Variants in IMPACT observed in about 807,000 individuals in gnomAD.
IMPACT encodes the protein protein IMPACT.
A neutral mutation model predicts 47.5 loss-of-function variants in IMPACT; 35 were observed. The observed-to-expected ratio is 0.74, with a 90% confidence interval of 0.56 to 0.98. The LOEUF (loss-of-function observed/expected upper bound fraction) is 0.98, where lower values mean the gene tolerates loss of function less well. Ranked by LOEUF, IMPACT falls within the 50% of genes least tolerant of loss-of-function variation. The pLI is 0.00. For synonymous variants in IMPACT, 118 were observed against 125.6 expected (o/e 0.94, Z 0.40); for missense variants, 373 against 394.8 (o/e 0.94, Z 0.47).
chr18:24,434,063 G>A (rs1168568181), intron 4 of IMPACT, among the ~76,000 whole-genome samples: 1 of 151,898 alleles, frequency 6.6e-6, no homozygotes, highest in Non-Finnish European at 1.5e-5. Context: ...ACATGGGCCA[G>A]GTGTGGTAGC....
chr18:24,426,818 C>T, intron 1 of IMPACT, 26 bp downstream of exon 1: 1 of 1,235,692 alleles, frequency 8.1e-7, no homozygotes, highest in East Asian at 3.2e-5. Flanking sequence ...GGTGCTGTCT[C>T]TCCAGGCTCG....
intron 6 of IMPACT, among the ~76,000 whole-genome samples, chr18:24,442,662 T>C (rs1909145264): frequency 6.6e-6 from 1 of 152,194 alleles, no homozygotes; most frequent in Non-Finnish European, 1.5e-5. Flanking sequence ...ACAGTGAAAC[T>C]GATAAATAAA....
At chr18:24,444,943 G>T (rs1266905154) in intron 7 of IMPACT, among the ~76,000 whole-genome samples, 1 of 152,150 alleles carries the variant, frequency 6.6e-6, no homozygotes, top group Non-Finnish European at 1.5e-5. Flanking sequence ...CCACTTATAA[G>T]ACCTGGCTCA....
At chr18:24,432,275 C>G (rs1257938586) in intron 4 of IMPACT, among the ~76,000 whole-genome samples, 2 of 152,048 alleles carry the variant, frequency 1.3e-5, no homozygotes, top group African/African-American at 4.8e-5. Context: ...GAGGAAATAT[C>G]TATGATTTAG....
chr18:24,434,241 T>C (rs1908844542), intron 4 of IMPACT, among the ~76,000 whole-genome samples: 1 of 151,962 alleles, frequency 6.6e-6, no homozygotes, highest in South Asian at 2.1e-4. Context: ...TCCCAGCTAC[T>C]TGGAAGACTG....
intron 10 of IMPACT, 28 bp from the exon 11 acceptor site, chr18:24,450,751 A>T (rs1299984988): frequency 6.7e-7 from 1 of 1,483,724 alleles, no homozygotes; most frequent in Non-Finnish European, 9.4e-7. Context: ...AAATGGAGAG[A>T]TGCTGCACTG....
intron 4 of IMPACT, among the ~76,000 whole-genome samples, chr18:24,437,642 C>CT (rs1908983762): frequency 6.6e-6 from 1 of 152,164 alleles, no homozygotes; most frequent in African/African-American, 2.4e-5. Flanking sequence ...CTTACAGAAA[C>CT]TAAGTCACAT....
intron 4 of IMPACT, among the ~76,000 whole-genome samples, chr18:24,432,791 C>G (rs1568085714): frequency 6.6e-6 from 1 of 152,042 alleles, no homozygotes; most frequent in Admixed American, 6.6e-5. Context: ...TTTTTCAGCT[C>G]TTACCTAACT....
In IMPACT at chr18:24,452,840, C is replaced by T. The variant is rs536805903; in HGVS notation, c.*1993C>T. 2 of 152,278 alleles carry T rather than the reference C, an allele frequency of 1.3e-5. No homozygotes were observed. Among genetic ancestry groups the T allele is most frequent in the Admixed American group, 1.3e-4 (2 of 15,286 alleles). 9.4% of individuals were successfully genotyped at this position (152,278 alleles called of 1,614,324 possible). On this transcript the variant is annotated 3_prime_UTR_variant, in exon 11 of 11. Transcript: ENST00000284202. The stretch of plus-strand genomic sequence containing the variant: ...ATGAGTTCTTGCTCTGTCACCTAGG[C>T]TGGAGTGCAGTGGCATGATCATGGC...
At chr18:24,438,100 G>GATAC (rs1908995580) in intron 5 of IMPACT, 60 bp downstream of exon 5, 2 of 749,298 alleles carry the variant, frequency 2.7e-6, no homozygotes, top group African/African-American at 3.6e-5. Flanking sequence ...TTTTTATGTA[G>GATAC]ATACTCTAGT....
Position 24,428,015 on chromosome 18 carries a change from A to G in IMPACT, c.133A>G (p.Ile45Val). The change falls in exon 2 of 11, where the codon ATA becomes GTA. Residue 45 changes from isoleucine (I) to valine (V), a missense_variant. By Grantham distance (29) the Ile-to-Val change is conservative (BLOSUM62 3). Coordinates refer to ENST00000284202, the MANE Select transcript of IMPACT (RefSeq NM_018439.4). ...KIFCIRISDD[I>V]DDPKWTLCLQ... ...ATTTTGTATTAGAATTAGCGACGAT[A>G]TAGATGACCCCAAATGGACACTTTG... The G allele has an allele frequency of 3.1e-6, 5 of 1,596,456 alleles. No homozygotes were observed. The highest frequency in any genetic ancestry group is 2.7e-5 in the African/African-American group (2 of 73,954).
At chr18:24,445,117 A>G (rs1450356591) in intron 7 of IMPACT, among the ~76,000 whole-genome samples, 1 of 152,216 alleles carries the variant, frequency 6.6e-6, no homozygotes, top group African/African-American at 2.4e-5. Context: ...AATTCCCTAC[A>G]TGGGGAACAA....
chr18:24,451,794 C>T lies in IMPACT; in HGVS notation c.*947C>T, dbSNP rs1405186732. 1 of 152,122 alleles carries T rather than the reference C, an allele frequency of 6.6e-6. No individual in the cohort carries two copies. The highest frequency in any genetic ancestry group is 1.9e-4 in the East Asian group (1 of 5,198). The allele number at this position is 152,122 out of a possible 1,614,324, so 9.4% of individuals were successfully genotyped here. A position where few individuals can be genotyped will look rare whatever the true frequency, so the allele number is the denominator to read the frequency against. On this transcript the variant is annotated 3_prime_UTR_variant, in exon 11 of 11. Coordinates refer to ENST00000284202, the MANE Select transcript of IMPACT (RefSeq NM_018439.4). Reference sequence around the variant, plus strand: ...TTACATCAATTTGATGCATGCTTTCCATCTGCACTCCAGACGGCTTTCTCA... The same window carrying T: ...TTACATCAATTTGATGCATGCTTTCTATCTGCACTCCAGACGGCTTTCTCA...
chr18:24,438,745 GTGTGAGTCAC>G (rs1217995635), intron 5 of IMPACT, among the ~76,000 whole-genome samples: 2 of 152,096 alleles, frequency 1.3e-5, no homozygotes, highest in Admixed American at 6.5e-5. Context: ...TGGATTACAG[GTGTGAGTCAC>G]TGTGCCTATT....
intron 6 of IMPACT, among the ~76,000 whole-genome samples, chr18:24,440,945 C>T (rs1040242507): frequency 2.0e-5 from 3 of 152,208 alleles, no homozygotes; most frequent in Admixed American, 6.5e-5. Context: ...AAATCCTTAG[C>T]TGTTTCCTGA....
chr18:24,439,782 A>T (rs9675551), intron 5 of IMPACT: 87,634 of 152,148 alleles, frequency 0.58, 27,044 homozygotes, highest in South Asian at 0.7. Context: ...ACTGCACTCC[A>T]GCTTGGGTGA....
Position 24,445,391 on chromosome 18 carries a change from A to G in IMPACT, c.595-2A>G. 6.4e-7 allele frequency: 1 copy of G among 1,554,864 alleles called. No homozygotes were observed. The highest frequency in any genetic ancestry group is 8.8e-7 in the Non-Finnish European group (1 of 1,137,646). On this transcript the variant is annotated splice_acceptor_variant, in intron 7 of 10. Transcript: ENST00000284202. LOFTEE classifies it high-confidence loss of function. The stretch of plus-strand genomic sequence containing the variant: ...CTTATTTATATTATTGCTGTTTTTA[A>G]GGTGAAAATGGTTCTTTCCAAATTG...
At position 24,450,903 on chromosome 18, in the gene IMPACT, T is replaced by C; in HGVS notation, c.*56T>C. 1 of 1,051,246 alleles carries C rather than the reference T, an allele frequency of 9.5e-7. No homozygotes were observed. 65.1% of individuals were successfully genotyped at this position (1,051,246 alleles called of 1,614,324 possible). A position where few individuals can be genotyped will look rare whatever the true frequency, so the allele number is the denominator to read the frequency against. ...CTATAATTATATATACATTCCATAG[T>C]CATCAAGGAATATATTGTGCAGAGA... On this transcript the variant is annotated 3_prime_UTR_variant, in exon 11 of 11. Transcript: ENST00000284202.
chr18:24,427,787 G>T, intron 1 of IMPACT, 132 bp from the exon 2 acceptor site: 1 of 769,652 alleles, frequency 1.3e-6, no homozygotes, highest in Non-Finnish European at 2.0e-6. Flanking sequence ...AGAAACTCTT[G>T]GCCTGGTGAG....
Sources: allele counts gnomAD v4.1 joint callset (sites outside exome capture counted in the v4.1 genomes callset), GRCh38; gene constraint gnomAD v4.1.1; transcripts MANE v1.5; gene names NCBI Gene and HGNC (gene_info 2026-07-23, HGNC 2026-07-21).